Variants in NPTX1 observed in about 807,000 individuals in gnomAD.
NPTX1 encodes the protein neuronal pentraxin-1.
Under a neutral mutation model 38.7 loss-of-function variants are expected in NPTX1, and 12 were observed. The observed-to-expected ratio is 0.31, with a 90% CI of 0.20 to 0.50. The LOEUF is 0.50. Ranked by LOEUF, NPTX1 falls within the 20% of genes least tolerant of loss-of-function variation. The pLI, the probability that NPTX1 is intolerant of heterozygous loss-of-function variation, is 0.98. For synonymous variants in NPTX1, 272 were observed against 264.9 expected (o/e 1.03, Z -0.26); for missense variants, 454 against 592.2 (o/e 0.77, Z 2.42).
In NPTX1 at chr17:80,473,281, G is replaced by T; in HGVS notation, c.816C>A (p.Ser272=). ...CGTTGGCCTGGCCGGGCACAGCGTA[G>T]GAGAAGGGCGTGCCCACACCTGGCG... is the stretch of plus-strand genomic sequence containing the variant. ...SATPGVGTPF[S]YAVPGQANEL... is the part of the protein sequence containing the mutation. The change falls in exon 3 of 5, where the codon TCC becomes TCA. Residue 272 remains serine, a synonymous_variant. Transcript: ENST00000306773. 1.2e-6 allele frequency: 2 copies of T among 1,613,944 alleles called. No homozygotes were observed. The highest frequency in any genetic ancestry group is 1.7e-6 in the Non-Finnish European group (2 of 1,179,982).
rs75803030 is a variant in NPTX1, at chr17:80,467,365, C to G, written c.*3448G>C. The stretch of plus-strand genomic sequence containing the variant: ...ATAAGATTCCAAAGGATTCTATCCT[C>G]TTAATGTGAACCACATGTAACCCAA... On this transcript the variant is annotated 3_prime_UTR_variant, in exon 5 of 5. Coordinates refer to ENST00000306773, the MANE Select transcript of NPTX1 (RefSeq NM_002522.4). 2,552 of 152,738 alleles carry G rather than the reference C, an allele frequency of 0.017. 202 individuals are homozygous for G. In the East Asian group the frequency reaches 0.26, roughly 15 times the overall value. 9.5% of individuals were successfully genotyped at this position (152,738 alleles called of 1,614,324 possible).
At position 80,475,043 on chromosome 17, in the gene NPTX1, G is replaced by A. The variant is rs978054748; in HGVS notation, c.652+468C>T. 6.6e-6 allele frequency among the ~76,000 whole-genome samples: 1 copy of A among 152,204 alleles called. No homozygotes were observed. Among genetic ancestry groups the A allele is most frequent in the Admixed American group, 6.5e-5 (1 of 15,284 alleles). ...AGAGGACACCGGGGGCATGGCAGCCGGGAAGAAACCTGCTTAACAGCCTCA... is the reference window on the plus strand; with the variant it reads ...AGAGGACACCGGGGGCATGGCAGCCAGGAAGAAACCTGCTTAACAGCCTCA... On this transcript the variant is annotated intron_variant, in intron 2 of 4. Coordinates refer to ENST00000306773, the MANE Select transcript of NPTX1 (RefSeq NM_002522.4). The surrounding 1 kb of genome is among the most constrained non-coding windows in gnomAD (Gnocchi z 6.5).
At position 80,467,071 on chromosome 17, in the gene NPTX1, C is replaced by A. The variant is rs1269138193; in HGVS notation, c.*3742G>T. 1 of 147,148 alleles carries A rather than the reference C, an allele frequency of 6.8e-6. No homozygotes were observed. Among genetic ancestry groups the A allele is most frequent in the East Asian group, 2.0e-4 (1 of 4,988 alleles). The allele number at this position is 147,148 out of a possible 1,614,324, so 9.1% of individuals were successfully genotyped here. On this transcript the variant is annotated 3_prime_UTR_variant, in exon 5 of 5. Coordinates refer to ENST00000306773, the MANE Select transcript of NPTX1 (RefSeq NM_002522.4). ...AATGAAAAAGTGAGATACATCGATTCTCTTTCATATTATACAGTATATACA... is the reference window on the plus strand; with the variant it reads ...AATGAAAAAGTGAGATACATCGATTATCTTTCATATTATACAGTATATACA...
chr17:80,472,127 C>T (rs556465934), intron 3 of NPTX1, among the ~76,000 whole-genome samples: 4 of 152,364 alleles, frequency 2.6e-5, no homozygotes, highest in East Asian at 1.9e-4. Context: ...AAGGCTCTAC[C>T]GAGGGAACCC....
chr17:80,473,269 G>T lies in NPTX1; in HGVS notation c.828C>A (p.Pro276=). 1 of 1,613,834 alleles carries T rather than the reference G, an allele frequency of 6.2e-7. No homozygotes were observed. The highest frequency in any genetic ancestry group is 8.5e-7 in the Non-Finnish European group (1 of 1,180,006). ...GVGTPFSYAV[P]GQANELVLIE... is the part of the protein sequence containing the mutation. ...TGAGGACCAGCTCGTTGGCCTGGCC[G>T]GGCACAGCGTAGGAGAAGGGCGTGC... is the stretch of plus-strand genomic sequence containing the variant. Residue 276 remains proline (P), a synonymous_variant, in exon 3 of 5, where the codon CCC becomes CCA. Transcript: ENST00000306773.
rs201144618 is a variant in NPTX1 at position 80,470,867 on chromosome 17, C to T, written c.1245G>A (p.Glu415=). 6.8e-6 allele frequency: 11 copies of T among 1,609,616 alleles called. No individual in the cohort carries two copies. The Admixed American group carries it at 1.8e-4, about 27-fold the overall frequency. Residue 415 remains glutamate (E), a synonymous_variant, in exon 5 of 5, where the codon GAG becomes GAA. Transcript: ENST00000306773. The part of the protein sequence containing the change: ...NVIAWAESHI[E]IYGGATKWTF... ...TCCACTTGGTGGCCCCTCCGTAGAT[C>T]TCGATGTGGGATTCAGCCCAGGCGA...
rs1599505595 is a variant in NPTX1 at position 80,470,721 on chromosome 17, C to A, written c.*92G>T. On this transcript the variant is annotated 3_prime_UTR_variant, in exon 5 of 5. Transcript: ENST00000306773. ...CAGGGGCGACGGCCTCGGTTCATTC[C>A]TGGGGAAAAGGGAGAGAAGAGACGC... 2 of 951,212 alleles carry A rather than the reference C, an allele frequency of 2.1e-6. No individual in the cohort carries two copies. Among genetic ancestry groups the A allele is most frequent in the East Asian group, 2.5e-5 (1 of 40,394 alleles). 58.9% of individuals were successfully genotyped at this position (951,212 alleles called of 1,614,324 possible).
At chr17:80,473,055 C>T in intron 3 of NPTX1, 145 bp downstream of exon 3, 1 of 840,530 alleles carries the variant, frequency 1.2e-6, no homozygotes. Flanking sequence ...TCTTCACCCT[C>T]CCCCTCCCTC....
chr17:80,472,670 T>C (rs566508159), intron 3 of NPTX1, among the ~76,000 whole-genome samples: 41 of 152,326 alleles, frequency 2.7e-4, no homozygotes, highest in Non-Finnish European at 1.0e-4. Context: ...AGCTGGCAGC[T>C]AGTTCCATAG....
At chr17:80,472,868 G>T (rs750460305) in intron 3 of NPTX1, among the ~76,000 whole-genome samples, 1 of 152,176 alleles carries the variant, frequency 6.6e-6, no homozygotes, top group Non-Finnish European at 1.5e-5. Flanking sequence ...GCTATGGAGG[G>T]GCAAAGCCAG....
rs2083877178 is a variant in NPTX1, at chr17:80,475,796, C to G, written c.445-78G>C. ...CGTGCTGGAAGGCCCGCGGCGCGGT[C>G]CCCTCTGGGCGACTGCGGGGGCGGC... On this transcript the variant is annotated intron_variant, in intron 1 of 4. Coordinates refer to ENST00000306773, the MANE Select transcript of NPTX1 (RefSeq NM_002522.4). This position sits in a 1 kb window ranked among gnomAD's most constrained non-coding sequence, Gnocchi z 6.5. 1 of 1,185,102 alleles carries G rather than the reference C, an allele frequency of 8.4e-7. No individual in the cohort carries two copies. Among genetic ancestry groups the G allele is most frequent in the Non-Finnish European group, 1.2e-6 (1 of 839,274 alleles). 73.4% of individuals were successfully genotyped at this position (1,185,102 alleles called of 1,614,324 possible).
chr17:80,468,135 G>T lies in NPTX1; in HGVS notation c.*2678C>A, dbSNP rs184133191. 18 of 152,884 alleles carry T rather than the reference G, an allele frequency of 1.2e-4. No homozygotes were observed. Among genetic ancestry groups the T allele is most frequent in the African/African-American group, 4.1e-4 (17 of 41,576 alleles). 9.5% of individuals were successfully genotyped at this position (152,884 alleles called of 1,614,324 possible). A position where few individuals can be genotyped will look rare whatever the true frequency, so the allele number is the denominator to read the frequency against. ...TGGGAACTACGTGGATTAGATTTGC[G>T]GCTGTGTCATCGACCTTTCTCGGGG... is the stretch of plus-strand genomic sequence containing the variant. On this transcript the variant is annotated 3_prime_UTR_variant, in exon 5 of 5. Transcript: ENST00000306773.
In NPTX1 at chr17:80,471,721, C is replaced by T. The variant is rs76830446; in HGVS notation, c.1077+11G>A. On this transcript the variant is annotated intron_variant, in intron 4 of 4. Coordinates refer to ENST00000306773, the MANE Select transcript of NPTX1 (RefSeq NM_002522.4). ...GCTCTCTCCCCTTCCCCACCACATC[C>T]AGCACAGTACCTGCTCCTGGCCCAG... 3.3e-3 allele frequency: 5,266 copies of T among 1,608,820 alleles called. 147 individuals are homozygous for T. The African/African-American group carries it at 0.06, about 18-fold the overall frequency.
In NPTX1 at chr17:80,470,945, C is replaced by A. The variant is rs768848636; in HGVS notation, c.1167G>T (p.Gly389=). 6.2e-7 allele frequency: 1 copy of A among 1,613,852 alleles called. No individual in the cohort carries two copies. Among genetic ancestry groups the A allele is most frequent in the Non-Finnish European group, 8.5e-7 (1 of 1,179,830 alleles). ...FNIWDRKLTP[G]EVYNLATCST... is the part of the protein sequence containing the mutation. ...TGCAGGTGGCCAGGTTGTACACCTCCCCGGGGGTCAGCTTGCGGTCCCAGA... is the reference window on the plus strand; with the variant it reads ...TGCAGGTGGCCAGGTTGTACACCTCACCGGGGGTCAGCTTGCGGTCCCAGA... The change falls in exon 5 of 5, where the codon GGG becomes GGT. Residue 389 remains glycine, a synonymous_variant. Coordinates refer to ENST00000306773, the MANE Select transcript of NPTX1 (RefSeq NM_002522.4).
At chr17:80,474,283 C>T (rs1035112720) in intron 2 of NPTX1, 3 of 152,236 alleles carry the variant, frequency 2.0e-5, no homozygotes, top group African/African-American at 7.2e-5. Context: ...CATAGCCCAT[C>T]TATATACTGT....
At chr17:80,473,928 TC>T in intron 2 of NPTX1, 1 of 163,124 alleles carries the variant, frequency 6.1e-6, no homozygotes, top group Non-Finnish European at 1.3e-5. Context: ...CTCCTGCCTC[TC>T]CCCACCCGAC....
rs773478432 is a variant in NPTX1, at chr17:80,473,329, G to A, written c.768C>T (p.Cys256=). 1 of 1,614,086 alleles carries A rather than the reference G, an allele frequency of 6.2e-7. No individual in the cohort carries two copies. Among genetic ancestry groups the A allele is most frequent in the Admixed American group, 1.7e-5 (1 of 60,030 alleles). Residue 256 remains cysteine, a synonymous_variant, in exon 3 of 5, where the codon TGC becomes TGT. Coordinates refer to ENST00000306773, the MANE Select transcript of NPTX1 (RefSeq NM_002522.4). ...GCGTGGCGCTGGACTTGAGCCACATGCAGACAGTGAAGGCGTACATCTCTG... is the reference window on the plus strand; with the variant it reads ...GCGTGGCGCTGGACTTGAGCCACATACAGACAGTGAAGGCGTACATCTCTG... The part of the protein sequence containing the change: ...SLPEMYAFTV[C]MWLKSSATPG...
At chr17:80,473,577 C>T (rs796781959) in intron 2 of NPTX1, 133 bp from the exon 3 acceptor site, 75 of 879,924 alleles carry the variant, frequency 8.5e-5, no homozygotes, top group South Asian at 1.4e-4. Context: ...AGACGCAGAG[C>T]GGGTAGCTTC....
At chr17:80,473,061 C>T (rs1381546123) in intron 3 of NPTX1, 139 bp downstream of exon 3, 2 of 850,748 alleles carry the variant, frequency 2.4e-6, no homozygotes, top group Non-Finnish European at 3.6e-6. Flanking sequence ...CCCTCCCCCT[C>T]CCTCAGTCCC....
Sources: gnomAD v4.1 joint callset for allele counts (sites outside exome capture counted in the v4.1 genomes callset) on GRCh38, gnomAD v4.1.1 for gene constraint, Gnocchi (gnomAD v3.1) non-coding constraint, MANE v1.5 for transcripts, NCBI Gene and HGNC (gene_info 2026-07-23, HGNC 2026-07-21) for gene names.